The following TET3 variants were observed in gnomAD, a reference collection of about 807,000 sequenced individuals.
TET3 encodes the protein tet methylcytosine dioxygenase 3, also known as methylcytosine dioxygenase TET3.
In TET3, 19 loss-of-function variants were observed where a neutral mutation model predicts 141.4. The observed-to-expected ratio is 0.13, with a 90% CI of 0.09 to 0.20. TET3 has a LOEUF of 0.20. TET3 is among the 10% of genes least tolerant of loss of function. The pLI is 1.00. For synonymous variants in TET3, 1,043 were observed against 980.9 expected (o/e 1.06, Z -1.18); for missense variants, 1,874 against 2,356.9 (o/e 0.80, Z 4.24).
chr2:74,047,451 C>T lies in TET3; in HGVS notation c.1534C>T (p.Pro512Ser). The stretch of plus-strand genomic sequence containing the variant: ...ATCCCCTGTACTTCAGAGGGAGGCT[C>T]CCACGCCATCCTCGGAGCCCGACAC... ...APSPVLQREAPTPSSEPDTHQ... is the reference protein window; with the variant it reads ...APSPVLQREASTPSSEPDTHQ... Residue 512 changes from proline to serine, a missense_variant, in exon 4 of 12, where the codon CCC becomes TCC. By Grantham distance (74) the Pro-to-Ser change is moderately conservative (BLOSUM62 -1). Around this residue, in one of 10 missense-constraint regions of TET3, gnomAD observed 484 missense variants for 462.2 expected, o/e 1.05. Coordinates refer to ENST00000409262, the MANE Select transcript of TET3 (RefSeq NM_001287491.2). 1 of 1,612,604 alleles carries T rather than the reference C, an allele frequency of 6.2e-7. No individual in the cohort carries two copies. Among genetic ancestry groups the T allele is most frequent in the Non-Finnish European group, 8.5e-7 (1 of 1,179,796 alleles).
intron 2 of TET3, among the ~76,000 whole-genome samples, chr2:73,988,050 G>A (rs934348449): frequency 6.6e-6 from 1 of 152,180 alleles, no homozygotes; most frequent in Non-Finnish European, 1.5e-5. Context: ...CTGCAGACTC[G>A]GGGCCCTGTT....
chr2:74,033,860 C>T (rs1045975052), intron 3 of TET3, among the ~76,000 whole-genome samples: 1 of 152,098 alleles, frequency 6.6e-6, no homozygotes, highest in Non-Finnish European at 1.5e-5. Flanking sequence ...CTTTGGGAGG[C>T]TGAGGCGGGC....
intron 4 of TET3, among the ~76,000 whole-genome samples, chr2:74,073,190 G>C (rs1689305304): frequency 6.6e-6 from 1 of 152,142 alleles, no homozygotes; most frequent in Admixed American, 6.5e-5. Flanking sequence ...GCTGACCCCT[G>C]GTCTTGAGTG....
the TET3 span, among the ~76,000 whole-genome samples, chr2:74,126,593 C>T: frequency 2.6e-5 from 4 of 151,522 alleles, 1 homozygote; most frequent in South Asian, 8.4e-4. Context: ...GCTCCGCCTC[C>T]CGGGTTCACA....
chr2:73,988,999 G>GTTTT (rs57748474), intron 2 of TET3, among the ~76,000 whole-genome samples: 4 of 107,774 alleles, frequency 3.7e-5, no homozygotes, highest in Non-Finnish European at 5.4e-5. Flanking sequence ...AGTTTTTTTT[G>GTTTT]TTTTTTTTTT....
At chr2:74,086,029 TC>T (rs1349440402) in intron 6 of TET3, among the ~76,000 whole-genome samples, 1 of 152,200 alleles carries the variant, frequency 6.6e-6, no homozygotes, top group Non-Finnish European at 1.5e-5. Context: ...GTCTTGCCCT[TC>T]TCCCGATTTT....
chr2:74,014,695 A>G (rs1685640258), intron 3 of TET3, among the ~76,000 whole-genome samples: 2 of 152,156 alleles, frequency 1.3e-5, no homozygotes, highest in Non-Finnish European at 2.9e-5. Flanking sequence ...AAATGAAGCT[A>G]TATGCTGGGG....
chr2:74,125,013 C>T, the TET3 span, among the ~76,000 whole-genome samples: 14 of 138,394 alleles, frequency 1.0e-4, no homozygotes, highest in Admixed American at 2.1e-4. Context: ...AATTTTTTTT[C>T]TTTTTTTTTT....
At chr2:74,074,882 G>GTT (rs11373002) in intron 5 of TET3, among the ~76,000 whole-genome samples, 74 of 150,986 alleles carry the variant, frequency 4.9e-4, no homozygotes, top group Non-Finnish European at 4.1e-4. Context: ...TGTTTTGTTT[G>GTT]TTTTTTTTTG....
At chr2:74,024,764 CTT>C (rs887621033) in intron 3 of TET3, among the ~76,000 whole-genome samples, 19 of 152,268 alleles carry the variant, frequency 1.2e-4, no homozygotes, top group African/African-American at 4.3e-4. Flanking sequence ...AAACATCACT[CTT>C]TTAAAAAATA....
the TET3 span, among the ~76,000 whole-genome samples, chr2:74,123,867 C>CGCA: frequency 6.7e-6 from 1 of 149,262 alleles, no homozygotes. Flanking sequence ...GCCTCTGCCC[C>CGCA]GCCGCCCCGT....
At chr2:74,040,394 A>C (rs2105329958) in intron 3 of TET3, among the ~76,000 whole-genome samples, 1 of 152,310 alleles carries the variant, frequency 6.6e-6, no homozygotes. Context: ...ATTGAGAGAC[A>C]GTTCACATTT....
chr2:73,986,523 T>A lies in TET3; in HGVS notation c.120T>A (p.Ser40Arg). The change falls in exon 2 of 12, where the codon AGT becomes AGA. Residue 40 changes from serine (S) to arginine (R), a missense_variant. Around this residue, in one of 10 missense-constraint regions of TET3, gnomAD observed 366 missense variants for 487.0 expected, o/e 0.75. Coordinates refer to ENST00000409262, the MANE Select transcript of TET3 (RefSeq NM_001287491.2). ...FPGSGLSMAGSESQLRGGGDG... is the reference protein window; with the variant it reads ...FPGSGLSMAGRESQLRGGGDG... ...GGTCTGGGCTCTCCATGGCTGGGAG[T>A]GAGTCCCAACTCCGAGGGGGTGGAG... 1 of 1,231,652 alleles carries A rather than the reference T, an allele frequency of 8.1e-7. No homozygotes were observed. The highest frequency in any genetic ancestry group is 1.0e-6 in the Non-Finnish European group (1 of 987,938). 76.3% of individuals were successfully genotyped at this position (1,231,652 alleles called of 1,614,324 possible).
intron 3 of TET3, among the ~76,000 whole-genome samples, chr2:74,036,459 G>A (rs1020311377): frequency 3.3e-5 from 5 of 152,184 alleles, no homozygotes; most frequent in Non-Finnish European, 4.4e-5. Flanking sequence ...ATTCTCTGCT[G>A]TTCATGCTTG....
At chr2:74,090,589 T>C (rs192230663) in intron 8 of TET3, among the ~76,000 whole-genome samples, 101 of 152,288 alleles carry the variant, frequency 6.6e-4, no homozygotes, top group Non-Finnish European at 3.1e-4. Flanking sequence ...GTCCATACAG[T>C]ATGACCGCTA....
At chr2:74,068,016 C>G (rs543210309) in intron 4 of TET3, among the ~76,000 whole-genome samples, 6 of 152,194 alleles carry the variant, frequency 3.9e-5, no homozygotes, top group Non-Finnish European at 7.4e-5. Flanking sequence ...CTTAGGAGGG[C>G]TCAGACCAAC....
the TET3 span, chr2:74,130,786 C>G: frequency 6.6e-6 from 1 of 152,222 alleles, no homozygotes; most frequent in Non-Finnish European, 1.5e-5. Flanking sequence ...AAACAATTGC[C>G]GGCTGCGACC....
chr2:74,098,594 CTCT>C (rs901572795), intron 10 of TET3, among the ~76,000 whole-genome samples: 7 of 130,578 alleles, frequency 5.4e-5, no homozygotes, highest in African/African-American at 1.5e-4. Context: ...AAAAAGGAAA[CTCT>C]TTTTTTTTTT....
intron 2 of TET3, among the ~76,000 whole-genome samples, chr2:73,995,747 G>C (rs568092730): frequency 2.4e-4 from 37 of 152,178 alleles, no homozygotes; most frequent in Non-Finnish European, 4.0e-4. Flanking sequence ...GAGTGACCCT[G>C]TGTGGTCCCT....
Sources: allele counts gnomAD v4.1 joint callset (sites outside exome capture counted in the v4.1 genomes callset), GRCh38; gene constraint gnomAD v4.1.1; regional missense constraint gnomAD v4.1.1; transcripts MANE v1.5; gene names NCBI Gene and HGNC (gene_info 2026-07-23, HGNC 2026-07-21).